Variants in SPTBN1 observed in about 807,000 individuals in gnomAD.
The protein encoded by SPTBN1 is spectrin beta chain, non-erythrocytic 1.
In SPTBN1, 32 loss-of-function variants were observed where a neutral mutation model predicts 266.4. The observed-to-expected ratio is 0.12, with a 90% CI of 0.09 to 0.16. SPTBN1 has a LOEUF of 0.16. SPTBN1 is among the 10% of genes least tolerant of loss of function. The probability of loss-of-function intolerance (pLI) is 1.00; values close to 1 mark genes in which losing one functional copy is unlikely to be tolerated. For missense variants in SPTBN1, 2,296 were observed against 3,067.1 expected, an observed-to-expected ratio of 0.75 and a Z score of 5.94; for synonymous variants, 1,336 against 1,162.2, an observed-to-expected ratio of 1.15 and a Z score of -3.04.
chr2:54,655,993 G>T lies in SPTBN1; in HGVS notation c.6041G>T (p.Arg2014Ile). ...DKWEDRWEWL[R>I]LILEVHQFSR... ...TGGGAAGACCGATGGGAATGGTTAA[G>T]ACTGAGTAAGGATGTAGTTTATCTT... The change falls in exon 29 of 36, where the codon AGA (arginine) becomes ATA (isoleucine). Residue 2014 changes from arginine (R) to isoleucine (I), a missense_variant. Coordinates refer to ENST00000356805, the MANE Select transcript of SPTBN1 (RefSeq NM_003128.3). 2 of 1,612,288 alleles carry T rather than the reference G, an allele frequency of 1.2e-6. No homozygotes were observed. Among genetic ancestry groups the T allele is most frequent in the South Asian group, 2.2e-5 (2 of 90,976 alleles).
At chr2:54,498,468 T>C (rs555653657) in intron 1 of SPTBN1, among the ~76,000 whole-genome samples, 7 of 152,300 alleles carry the variant, frequency 4.6e-5, no homozygotes, top group African/African-American at 1.4e-4. Flanking sequence ...TGGACAACAT[T>C]CCCTGAGCGC....
chr2:54,558,335 A>C lies in SPTBN1; in HGVS notation c.148+31769A>C, dbSNP rs557237167. ...ATCAGGTGACATCACCGCCCAGCAC[A>C]CGGCGAGTGGCTCCTGATAAAATTA... On this transcript the variant is annotated intron_variant, in intron 2 of 35. Transcript: ENST00000356805. The surrounding 1 kb of genome is among the most constrained non-coding windows in gnomAD (Gnocchi z 4.6). The C allele has an allele frequency of 4.0e-6, 4 of 995,508 alleles. No homozygotes were observed. The Admixed American group carries it at 1.8e-4, about 45-fold the overall frequency. The allele number at this position is 995,508 out of a possible 1,614,324, so 61.7% of individuals were successfully genotyped here. A position where few individuals can be genotyped will look rare whatever the true frequency, so the allele number is the denominator to read the frequency against.
intron 2 of SPTBN1, among the ~76,000 whole-genome samples, chr2:54,537,366 T>C (rs1671675798): frequency 6.6e-6 from 1 of 152,202 alleles, no homozygotes; most frequent in South Asian, 2.1e-4. Context: ...ACCCGGAAGA[T>C]CCTTTTATAC....
intron 15 of SPTBN1, among the ~76,000 whole-genome samples, chr2:54,630,470 A>T (rs924449347): frequency 1.3e-5 from 2 of 152,216 alleles, no homozygotes; most frequent in African/African-American, 4.8e-5. Flanking sequence ...TGAGTAGGTT[A>T]TGGCACCTGG....
At chr2:54,556,569 G>C (rs1188644235) in intron 2 of SPTBN1, among the ~76,000 whole-genome samples, 1 of 152,158 alleles carries the variant, frequency 6.6e-6, no homozygotes, top group Non-Finnish European at 1.5e-5. Flanking sequence ...TGGACACTTA[G>C]AGACTTATCA....
intron 5 of SPTBN1, among the ~76,000 whole-genome samples, chr2:54,617,310 C>G (rs1677671962): frequency 6.6e-6 from 1 of 152,182 alleles, no homozygotes; most frequent in African/African-American, 2.4e-5. Context: ...TCAGAGGTGT[C>G]TAGGTTGTCG....
At chr2:54,553,857 A>G (rs867307272) in intron 2 of SPTBN1, among the ~76,000 whole-genome samples, 2 of 152,312 alleles carry the variant, frequency 1.3e-5, no homozygotes, top group South Asian at 4.1e-4. Flanking sequence ...AATGCAGGAA[A>G]AGCATTCATC....
In SPTBN1 at chr2:54,644,454, A is replaced by G; in HGVS notation, c.4137A>G (p.Ala1379=). The G allele has an allele frequency of 6.2e-7, 1 of 1,614,234 alleles. No homozygotes were observed. Among genetic ancestry groups the G allele is most frequent in the Non-Finnish European group, 8.5e-7 (1 of 1,180,048 alleles). The part of the protein sequence containing the change: ...TQTKAQRLFD[A]NKAELFTQSC... ...CAAAGGCCCAGCGGCTCTTTGATGC[A>G]AACAAGGCCGAACTTTTCACCCAGA... The change falls in exon 20 of 36, where the codon GCA becomes GCG. Residue 1379 remains alanine, a synonymous_variant. Coordinates refer to ENST00000356805, the MANE Select transcript of SPTBN1 (RefSeq NM_003128.3).
At chr2:54,569,368 T>C (rs1279631229) in intron 2 of SPTBN1, among the ~76,000 whole-genome samples, 3 of 152,192 alleles carry the variant, frequency 2.0e-5, no homozygotes, top group Non-Finnish European at 4.4e-5. Flanking sequence ...TTACTCTAGA[T>C]ACTTTTTATA....
chr2:54,666,287 C>T (rs778626779), intron 34 of SPTBN1, among the ~76,000 whole-genome samples, 199 bp downstream of exon 34: 6 of 152,182 alleles, frequency 3.9e-5, no homozygotes, highest in Admixed American at 6.5e-5. Context: ...CCACCAGCTT[C>T]CCTGTGGTTA....
rs756044802 is a variant in SPTBN1 at position 54,629,184 on chromosome 2, G to A, written c.2050G>A (p.Glu684Lys). 3 of 1,613,640 alleles carry A rather than the reference G, an allele frequency of 1.9e-6. No homozygotes were observed. Among genetic ancestry groups the A allele is most frequent in the South Asian group, 1.1e-5 (1 of 91,084 alleles). ...CCTGCTCAGCAAGCACCGGGCGTTC[G>A]AGGACGAGATGAGCGGCCGCAGTGG... is the stretch of plus-strand genomic sequence containing the variant. The part of the protein sequence containing the change: ...MRLLSKHRAF[E>K]DEMSGRSGHF... The change falls in exon 14 of 36, where the codon GAG becomes AAG. Residue 684 changes from glutamate (E) to lysine (K), a missense_variant. By Grantham distance (56) the Glu-to-Lys change is moderately conservative. Coordinates refer to ENST00000356805, the MANE Select transcript of SPTBN1 (RefSeq NM_003128.3).
chr2:54,637,835 G>T, intron 18 of SPTBN1, 32 bp downstream of exon 18: 1 of 1,544,526 alleles, frequency 6.5e-7, no homozygotes, highest in Non-Finnish European at 8.9e-7. Context: ...CTATTCCTGT[G>T]TTCCAGTAAT....
chr2:54,665,705 C>T (rs1681322794), intron 33 of SPTBN1, among the ~76,000 whole-genome samples: 1 of 152,166 alleles, frequency 6.6e-6, no homozygotes, highest in South Asian at 2.1e-4. Context: ...TTGCCCTGTG[C>T]CCTGTCCCTG....
chr2:54,641,522 A>C (rs1200662813), intron 18 of SPTBN1, among the ~76,000 whole-genome samples: 1 of 152,206 alleles, frequency 6.6e-6, no homozygotes, highest in African/African-American at 2.4e-5. Context: ...GAACATAGAT[A>C]ATTTTTTCCA....
intron 2 of SPTBN1, among the ~76,000 whole-genome samples, chr2:54,579,395 C>G (rs118135412): frequency 1.3e-5 from 2 of 152,168 alleles, no homozygotes; most frequent in African/African-American, 4.8e-5. Context: ...GGAAATCATA[C>G]AGTACCACAA....
At chr2:54,583,068 A>C (rs1433283965) in intron 2 of SPTBN1, among the ~76,000 whole-genome samples, 3 of 152,064 alleles carry the variant, frequency 2.0e-5, no homozygotes, top group Non-Finnish European at 2.9e-5. Flanking sequence ...ACCATGCTGG[A>C]GCCCTTCCCA....
At chr2:54,597,818 C>T (rs1260823123) in intron 2 of SPTBN1, among the ~76,000 whole-genome samples, 1 of 149,132 alleles carries the variant, frequency 6.7e-6, no homozygotes, top group Non-Finnish European at 1.5e-5. Context: ...TTAGTTGTTA[C>T]CCCCACCCAG....
At chr2:54,516,689 A>G (rs1670126467) in intron 1 of SPTBN1, among the ~76,000 whole-genome samples, 1 of 152,234 alleles carries the variant, frequency 6.6e-6, no homozygotes, top group South Asian at 2.1e-4. Flanking sequence ...AAGTGACTCT[A>G]GAAGTGTGAA....
At chr2:54,583,719 A>G (rs1331675521) in intron 2 of SPTBN1, among the ~76,000 whole-genome samples, 1 of 152,218 alleles carries the variant, frequency 6.6e-6, no homozygotes, top group Admixed American at 6.5e-5. Context: ...AGACATGAAA[A>G]TTCAGGGTGG....
Sources: allele counts gnomAD v4.1 joint callset (sites outside exome capture counted in the v4.1 genomes callset), GRCh38; gene constraint gnomAD v4.1.1; non-coding constraint Gnocchi (gnomAD v3.1); transcripts MANE v1.5; gene names NCBI Gene and HGNC (gene_info 2026-07-23, HGNC 2026-07-21).